The following NHS variants were observed in gnomAD, a reference collection of about 807,000 sequenced individuals.
NHS encodes the protein actin remodeling regulator NHS.
NHS carries 5 observed loss-of-function variants against 72.5 expected under a neutral mutation model. The ratio of observed to expected loss-of-function variants is 0.07; its 90% CI spans 0.04 to 0.14. The LOEUF is 0.14. NHS is among the 10% of genes least tolerant of loss of function. The probability of loss-of-function intolerance (pLI) is 1.00; values close to 1 mark genes in which losing one functional copy is unlikely to be tolerated. For synonymous variants in NHS, 464 were observed against 547.7 expected, an observed-to-expected ratio of 0.85 and a Z score of 2.13; for missense variants, 1,072 against 1,355.7, an observed-to-expected ratio of 0.79 and a Z score of 3.29.
At chrX:17,493,264 A>G (rs991876072) in intron 1 of NHS, among the ~76,000 whole-genome samples, 2 of 111,492 alleles carry the variant, frequency 1.8e-5, no homozygotes, top group African/African-American at 3.3e-5. Flanking sequence ...GTATTTGTGG[A>G]TTGCTGATGG....
At chrX:17,646,815 G>A (rs1298796977) in intron 1 of NHS, among the ~76,000 whole-genome samples, 1 of 112,014 alleles carries the variant, frequency 8.9e-6, no homozygotes, top group Non-Finnish European at 1.9e-5. Flanking sequence ...AAATTGTTTA[G>A]GGTACAGACC....
At chrX:17,614,973 T>G (rs2147058932) in intron 1 of NHS, among the ~76,000 whole-genome samples, 1 of 106,583 alleles carries the variant, frequency 9.4e-6, no homozygotes, top group East Asian at 3.0e-4. Flanking sequence ...CTTCCCTTAC[T>G]TCCCTGATAG....
intron 1 of NHS, chrX:17,635,474 T>C (rs1159619086): frequency 8.6e-7 from 1 of 1,165,543 alleles, no homozygotes; most frequent in Non-Finnish European, 1.1e-6. Context: ...GCTTGCTGAC[T>C]TAAGCAGATC....
chrX:17,473,004 A>G (rs1289459474), intron 1 of NHS, among the ~76,000 whole-genome samples: 5 of 112,552 alleles, frequency 4.4e-5, no homozygotes, highest in African/African-American at 6.4e-5. Flanking sequence ...AAATTTTCCA[A>G]TGATTTGCAG....
At position 17,735,038 on chromosome X, in the gene NHS, G is replaced by A. The variant is rs991443276; in HGVS notation, c.*2574G>A. ...TTTAAAATACATATTGACTTGAATT[G>A]TGAGGCAATAAGATACCTTCTATAT... On this transcript the variant is annotated 3_prime_UTR_variant, in exon 9 of 9. Transcript: ENST00000676302. 2.7e-5 allele frequency: 3 copies of A among 112,286 alleles called. No individual in the cohort carries two copies. Among genetic ancestry groups the A allele is most frequent in the East Asian group, 2.8e-4 (1 of 3,608 alleles). 9.3% of individuals were successfully genotyped at this position (112,286 alleles called of 1,213,427 possible).
chrX:17,670,200 C>T (rs1375808735), intron 1 of NHS, among the ~76,000 whole-genome samples: 1 of 112,499 alleles, frequency 8.9e-6, no homozygotes, highest in African/African-American at 3.2e-5. Context: ...CTGGAAAGAA[C>T]AGACTTTTCT....
At chrX:17,534,833 A>G (rs182305382) in intron 1 of NHS, among the ~76,000 whole-genome samples, 4 of 112,367 alleles carry the variant, frequency 3.6e-5, no homozygotes, top group African/African-American at 1.3e-4. Flanking sequence ...GTCCCAGTGC[A>G]CACCTGGAGA....
chrX:17,427,369 C>T (rs188517634), intron 1 of NHS, among the ~76,000 whole-genome samples: 3 of 112,244 alleles, frequency 2.7e-5, no homozygotes, highest in East Asian at 2.8e-4. Context: ...TGCCAAAATA[C>T]GTGTCTCTGG....
chrX:17,566,272 C>G (rs966642109), intron 1 of NHS, among the ~76,000 whole-genome samples: 5 of 111,367 alleles, frequency 4.5e-5, no homozygotes, highest in African/African-American at 1.6e-4. Context: ...CATGAGCCAC[C>G]GTATACTGCC....
At position 17,569,271 on chromosome X, in the gene NHS, C is replaced by T. The variant is rs185914766; in HGVS notation, c.566-118471C>T. 5.4e-3 allele frequency among the ~76,000 whole-genome samples: 603 copies of T among 111,443 alleles called. 1 individual carries two copies. The highest frequency in any genetic ancestry group is 8.9e-3 in the Non-Finnish European group (474 of 53,225). ...CTTTCACAATGGTTGAACTAATTTACACTCCCACCAACAGTGTAAAAGTGT... is the reference window on the plus strand; with the variant it reads ...CTTTCACAATGGTTGAACTAATTTATACTCCCACCAACAGTGTAAAAGTGT... On this transcript the variant is annotated intron_variant, in intron 1 of 8. Transcript: ENST00000676302.
At chrX:17,473,059 A>G (rs769629367) in intron 1 of NHS, among the ~76,000 whole-genome samples, 5 of 112,393 alleles carry the variant, frequency 4.4e-5, no homozygotes, top group Non-Finnish European at 9.4e-5. Context: ...TATTTACCAC[A>G]GAATATCAAG....
At chrX:17,673,237 C>CAG (rs796409129) in intron 1 of NHS, among the ~76,000 whole-genome samples, 1,547 of 94,989 alleles carry the variant, frequency 0.016, 51 homozygotes, top group Middle Eastern at 0.038. Flanking sequence ...CACACACACA[C>CAG]AAGAAAGCTC....
At chrX:17,536,481 C>G (rs772182877) in intron 1 of NHS, among the ~76,000 whole-genome samples, 3 of 112,884 alleles carry the variant, frequency 2.7e-5, no homozygotes, top group South Asian at 7.4e-4. Flanking sequence ...CTCCAGCTGT[C>G]TCTACCTAGT....
chrX:17,430,533 GA>G (rs1487303457), intron 1 of NHS, among the ~76,000 whole-genome samples: 1 of 106,558 alleles, frequency 9.4e-6, no homozygotes, highest in East Asian at 3.0e-4. Context: ...GCTTTATTAA[GA>G]TATAGTTCAC....
At chrX:17,495,496 T>A (rs1341555282) in intron 1 of NHS, among the ~76,000 whole-genome samples, 2 of 112,053 alleles carry the variant, frequency 1.8e-5, no homozygotes, top group Non-Finnish European at 3.8e-5. Context: ...TTCATATACA[T>A]AATTTCATCT....
At chrX:17,630,994 A>G (rs778552957) in intron 1 of NHS, among the ~76,000 whole-genome samples, 24 of 111,943 alleles carry the variant, frequency 2.1e-4, no homozygotes, top group Non-Finnish European at 3.6e-4. Flanking sequence ...ACCAATGAGA[A>G]CCACTCATTC....
chrX:17,690,503 G>A lies in NHS; in HGVS notation c.719-1832G>A, dbSNP rs767246533. On this transcript the variant is annotated intron_variant, in intron 2 of 8. Transcript: ENST00000676302. ...AGGTGAGACTGTAAGGAGAGAGCTG[G>A]AGGACCAAGATTAAAACCTAGAAAT... 6.2e-5 allele frequency among the ~76,000 whole-genome samples: 7 copies of A among 112,283 alleles called. No individual in the cohort carries two copies. The South Asian group carries it at 2.6e-3, about 42-fold the overall frequency.
intron 1 of NHS, among the ~76,000 whole-genome samples, chrX:17,394,321 T>C (rs142079201): frequency 4.7e-3 from 528 of 111,856 alleles, no homozygotes; most frequent in African/African-American, 0.016. Flanking sequence ...TATGATAAAT[T>C]TGAACATGGT....
chrX:17,711,056 G>T (rs1466606686), intron 3 of NHS, among the ~76,000 whole-genome samples: 1 of 112,362 alleles, frequency 8.9e-6, no homozygotes, highest in South Asian at 3.7e-4. Flanking sequence ...TCTGATATGG[G>T]TGAGGGTATT....
Sources: gnomAD v4.1 joint callset for allele counts (sites outside exome capture counted in the v4.1 genomes callset) on GRCh38, gnomAD v4.1.1 for gene constraint, MANE v1.5 for transcripts, NCBI Gene and HGNC (gene_info 2026-07-23, HGNC 2026-07-21) for gene names.